COA1: variants seen among roughly 807,000 people sequenced by gnomAD.
COA1 encodes cytochrome c oxidase assembly factor 1.
In COA1, 13 loss-of-function variants were observed where a neutral mutation model predicts 16.0. The observed-to-expected ratio is 0.81, with a 90% CI of 0.53 to 1.29. The LOEUF (loss-of-function observed/expected upper bound fraction) is 1.29. Among genes scored for constraint, COA1 ranks in the 50% most tolerant of loss-of-function variants. COA1 has a pLI of 0.00. For missense variants in COA1, 179 were observed against 177.0 expected, an observed-to-expected ratio of 1.01 and a Z score of -0.06; for synonymous variants, 65 against 65.7, an observed-to-expected ratio of 0.99 and a Z score of 0.05.
chr7:43,691,549 C>T (rs1585065328), intron 1 of COA1, among the ~76,000 whole-genome samples: 1 of 152,278 alleles, frequency 6.6e-6, no homozygotes, highest in East Asian at 1.9e-4. Context: ...ATGAATTCTA[C>T]CCTTCTAGTA....
chr7:43,634,074 A>G (rs1037494685), intron 6 of COA1, among the ~76,000 whole-genome samples: 1 of 151,656 alleles, frequency 6.6e-6, no homozygotes, highest in Non-Finnish European at 1.5e-5. Context: ...AAGACTTCCT[A>G]TTTTTTTCAT....
Position 43,699,641 on chromosome 7 carries a change from C to T in COA1, c.-39+29788G>A, listed in dbSNP as rs144317913. ...GAATGTTTTGTTTCAATATGTCCTA[C>T]ACAGAAGCTTATTTGATGGCTTCAA... On this transcript the variant is annotated intron_variant, in intron 1 of 5. Coordinates refer to ENST00000223336, the MANE Select transcript of COA1 (RefSeq NM_018224.4). 2.6e-5 allele frequency among the ~76,000 whole-genome samples: 4 copies of T among 152,238 alleles called. No homozygotes were observed. In the East Asian group the frequency reaches 5.8e-4, roughly 22 times the overall value.
chr7:43,692,369 C>A (rs1265816906), intron 1 of COA1, among the ~76,000 whole-genome samples: 1 of 151,996 alleles, frequency 6.6e-6, no homozygotes, highest in Non-Finnish European at 1.5e-5. Flanking sequence ...AAATACAAAT[C>A]TTAGCCGGGC....
chr7:43,669,182 A>G (rs1251790367), intron 1 of COA1, among the ~76,000 whole-genome samples: 1 of 152,104 alleles, frequency 6.6e-6, no homozygotes, highest in Non-Finnish European at 1.5e-5. Context: ...ACCCCTTAAG[A>G]GCAGTTATGG....
chr7:43,620,198 A>T (rs1306600182), intron 6 of COA1, among the ~76,000 whole-genome samples: 1 of 152,236 alleles, frequency 6.6e-6, no homozygotes, highest in African/African-American at 2.4e-5. Flanking sequence ...TGAAGGTAGC[A>T]GCAAGAAAGC....
chr7:43,679,673 T>G (rs2093680846), intron 1 of COA1, among the ~76,000 whole-genome samples: 1 of 152,354 alleles, frequency 6.6e-6, no homozygotes, highest in Admixed American at 6.5e-5. Flanking sequence ...ACTGTCTAAG[T>G]ACCTACGCTG....
At chr7:43,641,884 C>A (rs2087232669) in intron 4 of COA1, 1 of 152,148 alleles carries the variant, frequency 6.6e-6, no homozygotes, top group Admixed American at 6.5e-5. Flanking sequence ...GCGAAGGAGA[C>A]ACAGGCACAG....
chr7:43,724,964 C>T (rs185520683), intron 1 of COA1, among the ~76,000 whole-genome samples: 116 of 152,316 alleles, frequency 7.6e-4, no homozygotes, highest in African/African-American at 1.8e-3. Flanking sequence ...CTGGGTCGGG[C>T]GCAGTGGCGC....
At chr7:43,656,651 G>A (rs550998482) in intron 1 of COA1, among the ~76,000 whole-genome samples, 3 of 152,264 alleles carry the variant, frequency 2.0e-5, no homozygotes, top group South Asian at 2.1e-4. Flanking sequence ...AGCCAAAATC[G>A]TGCTGCTGCA....
intron 1 of COA1, among the ~76,000 whole-genome samples, chr7:43,691,054 C>CAAAAAAAAAAAAAAAAAA (rs1173049196): frequency 2.5e-5 from 1 of 40,018 alleles, no homozygotes. Context: ...CTCATCACTA[C>CAAAAAAAAAAAAAAAAAA]AAAAAAAAAA....
intron 6 of COA1, chr7:43,625,693 G>A (rs1341861265): frequency 6.6e-6 from 1 of 151,836 alleles, no homozygotes; most frequent in Non-Finnish European, 1.5e-5. Context: ...TGGTTACCTT[G>A]GTCAGTGAAA....
chr7:43,637,903 A>G (rs2086168793), downstream of COA1, among the ~76,000 whole-genome samples: 4 of 152,256 alleles, frequency 2.6e-5, no homozygotes, highest in African/African-American at 9.6e-5. Flanking sequence ...AACAAAATTC[A>G]AACACTAAGA....
chr7:43,644,759 T>G (rs13226397), intron 4 of COA1, among the ~76,000 whole-genome samples: 2 of 114,616 alleles, frequency 1.7e-5, no homozygotes, highest in Non-Finnish European at 1.8e-5. Flanking sequence ...GATAGATAGA[T>G]AGGCAGGCAG....
intron 4 of COA1, among the ~76,000 whole-genome samples, chr7:43,643,865 G>GA (rs1322427131): frequency 2.6e-5 from 4 of 152,134 alleles, no homozygotes; most frequent in Admixed American, 6.5e-5. Flanking sequence ...TTTGTAGTTA[G>GA]AAAAAAGTCT....
intron 1 of COA1, among the ~76,000 whole-genome samples, chr7:43,657,700 G>A (rs572083289): frequency 6.6e-6 from 1 of 151,762 alleles, no homozygotes; most frequent in Admixed American, 6.6e-5. Flanking sequence ...AAAAAAATAG[G>A]GTGTTAAGAA....
At chr7:43,684,972 G>C (rs1442015799) in intron 1 of COA1, among the ~76,000 whole-genome samples, 1 of 152,042 alleles carries the variant, frequency 6.6e-6, no homozygotes, top group Non-Finnish European at 1.5e-5. Context: ...AACAAGGCTA[G>C]TTTTTCTAGC....
chr7:43,711,569 A>ATTTGATGTATAGATAGT (rs1319157484), intron 1 of COA1: 2 of 152,210 alleles, frequency 1.3e-5, no homozygotes, highest in Admixed American at 1.3e-4. Context: ...GTCATGTGTC[A>ATTTGATGTATAGATAGT]CCTAACAATC....
At chr7:43,657,154 T>A (rs1438345654) in intron 1 of COA1, 1 of 152,254 alleles carries the variant, frequency 6.6e-6, no homozygotes, top group Non-Finnish European at 1.5e-5. Context: ...TGGCGATATA[T>A]GTGTAAACAC....
chr7:43,691,313 GAAAGAA>G (rs2094304320), intron 1 of COA1, among the ~76,000 whole-genome samples: 3 of 99,794 alleles, frequency 3.0e-5, no homozygotes, highest in Admixed American at 1.1e-4. Flanking sequence ...AAGAAAGAAA[GAAAGAA>G]AGAAAGAAAG....
Sources: allele counts gnomAD v4.1 joint callset (sites outside exome capture counted in the v4.1 genomes callset), GRCh38; gene constraint gnomAD v4.1.1; transcripts MANE v1.5; gene names NCBI Gene and HGNC (gene_info 2026-07-23, HGNC 2026-07-21).